SUGCT: variants seen among roughly 807,000 people sequenced by gnomAD.
SUGCT encodes the protein succinyl-CoA:glutarate CoA-transferase.
Under a neutral mutation model 55.0 loss-of-function variants are expected in SUGCT, and 41 were observed. The observed-to-expected ratio is 0.74, with a 90% confidence interval of 0.58 to 0.97. The LOEUF (loss-of-function observed/expected upper bound fraction) is 0.97, where lower values mean the gene tolerates loss of function less well. SUGCT is among the 50% of genes least tolerant of loss of function. The probability of loss-of-function intolerance (pLI) is 0.00; values close to 1 mark genes in which losing one functional copy is unlikely to be tolerated. For synonymous variants in SUGCT, 187 were observed against 200.4 expected, an observed-to-expected ratio of 0.93 and a Z score of 0.56; for missense variants, 568 against 547.8, an observed-to-expected ratio of 1.04 and a Z score of -0.37.
the SUGCT span, among the ~76,000 whole-genome samples, chr7:40,957,447 C>CTTTTTTT: frequency 9.2e-5 from 7 of 76,106 alleles, no homozygotes; most frequent in African/African-American, 2.5e-4. Context: ...GCAACCCCTG[C>CTTTTTTT]TTTTTTTTTT....
At chr7:40,140,671 T>A (rs1787935023) in intron 1 of SUGCT, among the ~76,000 whole-genome samples, 1 of 141,546 alleles carries the variant, frequency 7.1e-6, no homozygotes, top group African/African-American at 3.2e-5. Context: ...AGTGCTGGGA[T>A]TACAGGCATG....
At chr7:40,615,016 A>G (rs1164448835) in intron 12 of SUGCT, among the ~76,000 whole-genome samples, 3 of 151,908 alleles carry the variant, frequency 2.0e-5, no homozygotes, top group African/African-American at 7.3e-5. Flanking sequence ...AGATCACGCC[A>G]TTGCCCTCCA....
chr7:40,280,924 G>A (rs1310313590), intron 8 of SUGCT, among the ~76,000 whole-genome samples: 1 of 152,084 alleles, frequency 6.6e-6, no homozygotes, highest in Non-Finnish European at 1.5e-5. Context: ...AGTTTTGAGT[G>A]GGGAGAGATC....
chr7:40,911,431 G>T, the SUGCT span, among the ~76,000 whole-genome samples: 5 of 151,920 alleles, frequency 3.3e-5, no homozygotes, highest in Non-Finnish European at 5.9e-5. Flanking sequence ...AGTTGGGTGT[G>T]GTGGCACACA....
At chr7:40,985,323 C>T in the SUGCT span, among the ~76,000 whole-genome samples, 7 of 151,998 alleles carry the variant, frequency 4.6e-5, no homozygotes, top group African/African-American at 7.3e-5. Context: ...ATTGTATCAG[C>T]GTTGAGCTTT....
chr7:40,382,744 A>G (rs530728103), intron 9 of SUGCT, among the ~76,000 whole-genome samples: 11 of 152,310 alleles, frequency 7.2e-5, no homozygotes, highest in East Asian at 1.9e-4. Flanking sequence ...TCTATTTGAG[A>G]TAATATTCAT....
chr7:40,991,307 C>T, the SUGCT span, among the ~76,000 whole-genome samples: 1 of 152,218 alleles, frequency 6.6e-6, no homozygotes, highest in East Asian at 1.9e-4. Context: ...ATCAGATTTG[C>T]CATCTTCACT....
chr7:40,159,576 G>T lies in SUGCT; in HGVS notation c.101-21371G>T, dbSNP rs370269181. Among the ~76,000 whole-genome samples, 90 of 151,842 alleles carry T rather than the reference G, an allele frequency of 5.9e-4. 2 individuals are homozygous for T. In the South Asian group the frequency reaches 0.017, roughly 29 times the overall value. The stretch of plus-strand genomic sequence containing the variant: ...AGTAGAGACGAGGATTCACCATGTT[G>T]GCCAGGATGGTCTCGATCTCCTGAC... On this transcript the variant is annotated intron_variant, in intron 1 of 13. Transcript: ENST00000335693.
intron 12 of SUGCT, among the ~76,000 whole-genome samples, chr7:40,522,113 C>A (rs1428247894): frequency 6.6e-6 from 1 of 152,082 alleles, no homozygotes; most frequent in Non-Finnish European, 1.5e-5. Context: ...TTCTGTTTTT[C>A]TGCTTTCTGT....
chr7:40,181,336 C>T (rs1036270341), intron 2 of SUGCT, among the ~76,000 whole-genome samples: 4 of 152,126 alleles, frequency 2.6e-5, no homozygotes, highest in Non-Finnish European at 4.4e-5. Context: ...ATTAATATAT[C>T]GATGTCACAT....
intron 13 of SUGCT, among the ~76,000 whole-genome samples, chr7:40,755,823 A>T (rs186375266): frequency 6.6e-6 from 1 of 152,286 alleles, no homozygotes; most frequent in Non-Finnish European, 1.5e-5. Context: ...TCTTCTATAC[A>T]TGCAAAAGGA....
intron 9 of SUGCT, among the ~76,000 whole-genome samples, chr7:40,375,160 G>T (rs140095201): frequency 6.6e-6 from 1 of 152,274 alleles, no homozygotes; most frequent in East Asian, 1.9e-4. Flanking sequence ...TGCAGTTGCG[G>T]GTAAGTGAGG....
the SUGCT span, among the ~76,000 whole-genome samples, chr7:40,926,592 G>T: frequency 3.9e-5 from 6 of 152,152 alleles, no homozygotes; most frequent in African/African-American, 1.4e-4. Flanking sequence ...ATTTGGAGAT[G>T]GGGTCATGAA....
At chr7:40,738,196 TAA>T (rs71714222) in intron 12 of SUGCT, among the ~76,000 whole-genome samples, 27,904 of 110,374 alleles carry the variant, frequency 0.25, 3,288 homozygotes, top group African/African-American at 0.34. Flanking sequence ...GACTCCATCT[TAA>T]AAAAAAAAAA....
At chr7:40,756,097 C>T (rs1230763869) in intron 13 of SUGCT, among the ~76,000 whole-genome samples, 3 of 152,172 alleles carry the variant, frequency 2.0e-5, no homozygotes, top group East Asian at 1.9e-4. Flanking sequence ...ATTTTATTAT[C>T]GGACACATTA....
chr7:40,832,761 G>A (rs1347031232), intron 13 of SUGCT, among the ~76,000 whole-genome samples: 2 of 150,220 alleles, frequency 1.3e-5, no homozygotes, highest in Admixed American at 1.3e-4. Context: ...TGCAAGCTCC[G>A]CCTCCCAGGT....
At chr7:41,035,160 C>A in the SUGCT span, among the ~76,000 whole-genome samples, 4 of 152,216 alleles carry the variant, frequency 2.6e-5, no homozygotes, top group Admixed American at 1.3e-4. Flanking sequence ...ATTGCCTGGG[C>A]CTCTTATAGC....
chr7:40,365,595 C>T lies in SUGCT; in HGVS notation c.816+48740C>T, dbSNP rs28789786. 8.8e-3 allele frequency among the ~76,000 whole-genome samples: 1,331 copies of T among 152,044 alleles called. 11 individuals are homozygous for T. Among genetic ancestry groups the T allele is most frequent in the Middle Eastern group, 0.014 (4 of 294 alleles). The stretch of plus-strand genomic sequence containing the variant: ...GGATACAAAATCAATGTACAAAAAT[C>T]ACAAGCATTCTTATACACCAATAAC... On this transcript the variant is annotated intron_variant, in intron 9 of 13. Coordinates refer to ENST00000335693, the MANE Select transcript of SUGCT (RefSeq NM_001193313.2).
chr7:40,136,910 C>T (rs1331205352), intron 1 of SUGCT, among the ~76,000 whole-genome samples: 1 of 151,822 alleles, frequency 6.6e-6, no homozygotes, highest in African/African-American at 2.4e-5. Flanking sequence ...GGTGGGATGG[C>T]TTGAGTCCTA....
Sources: allele counts gnomAD v4.1 joint callset (sites outside exome capture counted in the v4.1 genomes callset), GRCh38; gene constraint gnomAD v4.1.1; transcripts MANE v1.5; gene names NCBI Gene and HGNC (gene_info 2026-07-23, HGNC 2026-07-21).